PXDN: variants seen among roughly 807,000 people sequenced by gnomAD.
PXDN encodes the protein peroxidasin, also known as peroxidasin homolog.
A neutral mutation model predicts 140.3 loss-of-function variants in PXDN; 77 were observed. The ratio of observed to expected loss-of-function variants is 0.55; its 90% confidence interval spans 0.46 to 0.66. The LOEUF (loss-of-function observed/expected upper bound fraction) is 0.66. PXDN is among the 30% of genes least tolerant of loss of function. The probability of loss-of-function intolerance (pLI) is 0.00; values close to 1 mark genes in which losing one functional copy is unlikely to be tolerated. For missense variants in PXDN, 1,838 were observed against 2,039.5 expected, an observed-to-expected ratio of 0.90 and a Z score of 1.90; for synonymous variants, 911 against 857.4, an observed-to-expected ratio of 1.06 and a Z score of -1.09.
chr2:1,705,124 GGGC>G (rs1684561466), intron 1 of PXDN, among the ~76,000 whole-genome samples: 2 of 33,446 alleles, frequency 6.0e-5, no homozygotes, highest in Admixed American at 1.8e-4. Context: ...TGAGAGCAGA[GGGC>G]ACGTCTGCAC....
intron 1 of PXDN, among the ~76,000 whole-genome samples, chr2:1,718,151 C>T (rs952307521): frequency 2.6e-5 from 4 of 151,942 alleles, no homozygotes; most frequent in Admixed American, 1.3e-4. Flanking sequence ...GCTAACCGAC[C>T]ACCCAAAGCT....
chr2:1,643,809 A>G (rs1423969610), intron 18 of PXDN, among the ~76,000 whole-genome samples: 1 of 152,198 alleles, frequency 6.6e-6, no homozygotes, highest in Non-Finnish European at 1.5e-5. Flanking sequence ...GCAGTGGCTC[A>G]CGCCTGTAAT....
rs1682644662 is a variant in PXDN at position 1,638,975 on chromosome 2, A to T, written c.4077T>A (p.Val1359=). 6.2e-7 allele frequency: 1 copy of T among 1,613,936 alleles called. No homozygotes were observed. Among genetic ancestry groups the T allele is most frequent in the South Asian group, 1.1e-5 (1 of 91,082 alleles). Reference sequence around the variant, plus strand: ...TGCTGAGATGTTCCCCCTGTCTCCCAACACTGTGGTGAGGGGAAAGGAGGA... The same window carrying T: ...TGCTGAGATGTTCCCCCTGTCTCCCTACACTGTGGTGAGGGGAAAGGAGGA... ...KKTRPRKIPS[V]GRQGEHLSNS... Residue 1359 remains valine (V), a synonymous_variant, in exon 21 of 23, where the codon GTT becomes GTA. Coordinates refer to ENST00000252804, the MANE Select transcript of PXDN (RefSeq NM_012293.3).
At chr2:1,668,810 C>G (rs547881922) in intron 9 of PXDN, among the ~76,000 whole-genome samples, 3 of 152,060 alleles carry the variant, frequency 2.0e-5, no homozygotes, top group African/African-American at 7.2e-5. Flanking sequence ...CAGATGCTGG[C>G]GAGGATGCAG....
rs112069541 is a variant in PXDN, at chr2:1,702,015, C to A, written c.201-8881G>T. Reference sequence around the variant, plus strand: ...CTGCTGCTGTGTTTACAGGCTGCCCCGCCTATGGCTCCTCAGAGACGCCTG... The same window carrying A: ...CTGCTGCTGTGTTTACAGGCTGCCCAGCCTATGGCTCCTCAGAGACGCCTG... On this transcript the variant is annotated intron_variant, in intron 1 of 22. Transcript: ENST00000252804. 2.9e-3 allele frequency among the ~76,000 whole-genome samples: 439 copies of A among 152,204 alleles called. 2 individuals carry two copies. The highest frequency in any genetic ancestry group is 9.9e-3 in the African/African-American group (410 of 41,516).
chr2:1,679,335 ATGG>A (rs942727630), intron 7 of PXDN, among the ~76,000 whole-genome samples: 1 of 110,140 alleles, frequency 9.1e-6, no homozygotes, highest in African/African-American at 3.6e-5. Context: ...TTGTGTGTAA[ATGG>A]TGTGTGTGTG....
rs754866193 is a variant in PXDN at position 1,653,581 on chromosome 2, C to A, written c.2104+47G>T. The stretch of plus-strand genomic sequence containing the variant: ...GTGACTTAACTGAGGCGTGTTCAAC[C>A]CCGTTACTCAGGCCATGGAGGAGGA... On this transcript the variant is annotated intron_variant, in intron 16 of 22. Coordinates refer to ENST00000252804, the MANE Select transcript of PXDN (RefSeq NM_012293.3). 2.5e-6 allele frequency: 4 copies of A among 1,601,752 alleles called. No homozygotes were observed. In the Admixed American group the frequency reaches 6.8e-5, roughly 27 times the overall value.
chr2:1,717,341 C>T (rs370090539), intron 1 of PXDN, among the ~76,000 whole-genome samples: 1 of 152,154 alleles, frequency 6.6e-6, no homozygotes, highest in Non-Finnish European at 1.5e-5. Flanking sequence ...CCTCTTTGTT[C>T]TCGGTTCTGC....
intron 1 of PXDN, among the ~76,000 whole-genome samples, chr2:1,721,622 G>T (rs894509705): frequency 3.3e-5 from 5 of 152,160 alleles, no homozygotes; most frequent in Admixed American, 1.3e-4. Context: ...GGATCACGAG[G>T]TCAGGAGATC....
At chr2:1,662,242 GAAGAA>G in intron 12 of PXDN, 58 bp from the exon 13 acceptor site, 2 of 1,443,044 alleles carry the variant, frequency 1.4e-6, no homozygotes, top group South Asian at 2.5e-5. Flanking sequence ...AAAAACTTCA[GAAGAA>G]CAAAATCCCC....
In PXDN at chr2:1,648,761, G is replaced by C. The variant is rs1457789020; in HGVS notation, c.3019C>G (p.Pro1007Ala). The change falls in exon 17 of 23, where the codon CCG becomes GCG. Residue 1007 changes from proline (P) to alanine (A), a missense_variant. Around this residue, in one of 5 missense-constraint regions of PXDN, gnomAD observed 850 missense variants for 894.1 expected, o/e 0.95. Transcript: ENST00000252804. This position sits in a 1 kb window ranked among gnomAD's most constrained non-coding sequence, Gnocchi z 8.9. Reference sequence around the variant, plus strand: ...TAGATGGTGTCGCCGTCCCAGTGCGGGTTCAGCTTGAGCAGCTCCGTGGCA... The same window carrying C: ...TAGATGGTGTCGCCGTCCCAGTGCGCGTTCAGCTTGAGCAGCTCCGTGGCA... ...RIATELLKLNPHWDGDTIYYE... is the reference protein window; with the variant it reads ...RIATELLKLNAHWDGDTIYYE... The C allele has an allele frequency of 2.7e-5, 43 of 1,604,014 alleles. No individual in the cohort carries two copies. The highest frequency in any genetic ancestry group is 3.6e-5 in the Non-Finnish European group (42 of 1,175,970).
chr2:1,647,474 C>T (rs1433846401), intron 17 of PXDN, among the ~76,000 whole-genome samples: 1 of 152,150 alleles, frequency 6.6e-6, no homozygotes, highest in Non-Finnish European at 1.5e-5. Flanking sequence ...TTTTTTCCAC[C>T]CCACAGGGTC....
In PXDN at chr2:1,714,817, A is replaced by G. The variant is rs572016223; in HGVS notation, c.201-21683T>C. Among the ~76,000 whole-genome samples the G allele has an allele frequency of 2.6e-5, 4 of 152,204 alleles. No individual in the cohort carries two copies. ...GGGCCGGACAAACCAGGCCTGGGTCAGATGGGGCCCCTGGCCAAGGGCACA... is the reference window on the plus strand; with the variant it reads ...GGGCCGGACAAACCAGGCCTGGGTCGGATGGGGCCCCTGGCCAAGGGCACA... On this transcript the variant is annotated intron_variant, in intron 1 of 22. Coordinates refer to ENST00000252804, the MANE Select transcript of PXDN (RefSeq NM_012293.3). This position sits in a 1 kb window ranked among gnomAD's most constrained non-coding sequence, Gnocchi z 4.3.
intron 1 of PXDN, among the ~76,000 whole-genome samples, chr2:1,734,639 C>T (rs1376697691): frequency 4.6e-5 from 7 of 152,094 alleles, no homozygotes; most frequent in Non-Finnish European, 7.3e-5. Flanking sequence ...GAGGCCAAGG[C>T]GGGCGGATCA....
In PXDN at chr2:1,634,223, C is replaced by A; in HGVS notation, c.4421G>T (p.Arg1474Met). 1 of 1,596,392 alleles carries A rather than the reference C, an allele frequency of 6.3e-7. No individual in the cohort carries two copies. The highest frequency in any genetic ancestry group is 2.3e-5 in the East Asian group (1 of 44,106). The stretch of plus-strand genomic sequence containing the variant: ...AGGAGCCTAGGGCTTTTCCTCCGCC[C>A]TCTTCTGTAAGCAGACTGGACAGCA... ...GACCPVCLQK[R>M]AEEKP The change falls in exon 23 of 23, where the codon AGG becomes ATG. Residue 1474 changes from arginine (R) to methionine (M), a missense_variant. Arg to Met is a moderately conservative substitution (Grantham distance 91). Coordinates refer to ENST00000252804, the MANE Select transcript of PXDN (RefSeq NM_012293.3).
chr2:1,680,248 G>T lies in PXDN; in HGVS notation c.675C>A (p.Pro225=). ...NAQAAAICEY[P]RRIQGRSVAT... ...CCACTGAGCGTCCCTGGATGCGTCTGGGATATTCACAGATGGCCGCTGCCT... is the reference window on the plus strand; with the variant it reads ...CCACTGAGCGTCCCTGGATGCGTCTTGGATATTCACAGATGGCCGCTGCCT... Residue 225 remains proline, a synonymous_variant, in exon 7 of 23, where the codon CCC becomes CCA. Coordinates refer to ENST00000252804, the MANE Select transcript of PXDN (RefSeq NM_012293.3). 1 of 1,612,198 alleles carries T rather than the reference G, an allele frequency of 6.2e-7. No homozygotes were observed.
intron 1 of PXDN, among the ~76,000 whole-genome samples, chr2:1,693,592 G>A (rs541809893): frequency 6.6e-6 from 1 of 152,274 alleles, no homozygotes; most frequent in Non-Finnish European, 1.5e-5. Flanking sequence ...CTACCTTCAT[G>A]AGATTTAAAC....
intron 1 of PXDN, among the ~76,000 whole-genome samples, chr2:1,737,681 G>A (rs912365787): frequency 1.4e-4 from 21 of 151,982 alleles, no homozygotes; most frequent in African/African-American, 4.6e-4. Flanking sequence ...TGGAACTACA[G>A]GCGTGAGCCA....
At chr2:1,727,621 C>G (rs1685219281) in intron 1 of PXDN, among the ~76,000 whole-genome samples, 1 of 152,136 alleles carries the variant, frequency 6.6e-6, no homozygotes, top group Non-Finnish European at 1.5e-5. Context: ...AGTTAGGCAG[C>G]CTTCCCATCC....
Sources: gnomAD v4.1 joint callset for allele counts (sites outside exome capture counted in the v4.1 genomes callset) on GRCh38, gnomAD v4.1.1 for gene constraint, gnomAD v4.1.1 regional missense constraint, Gnocchi (gnomAD v3.1) non-coding constraint, MANE v1.5 for transcripts, NCBI Gene and HGNC (gene_info 2026-07-23, HGNC 2026-07-21) for gene names.